FHIT: variants seen among roughly 807,000 people sequenced by gnomAD.
The protein encoded by FHIT is fragile histidine triad diadenosine triphosphatase, also known as bis(5'-adenosyl)-triphosphatase.
In FHIT, 19 loss-of-function variants were observed where a neutral mutation model predicts 17.9. The ratio of observed to expected loss-of-function variants is 1.06; its 90% CI spans 0.74 to 1.56. The LOEUF is 1.56. Ranked by LOEUF, FHIT falls within the 40% of genes most tolerant of loss-of-function variation. FHIT has a pLI of 0.00. For synonymous variants in FHIT, 81 were observed against 69.7 expected, an observed-to-expected ratio of 1.16 and a Z score of -0.81; for missense variants, 248 against 189.2, an observed-to-expected ratio of 1.31 and a Z score of -1.82.
In FHIT at chr3:60,917,818, T is replaced by G. The variant is rs149724985; in HGVS notation, c.-110-95807A>C. 8.9e-4 allele frequency among the ~76,000 whole-genome samples: 136 copies of G among 152,346 alleles called. 1 individual carries two copies. Among genetic ancestry groups the G allele is most frequent in the African/African-American group, 3.1e-3 (128 of 41,578 alleles). On this transcript the variant is annotated intron_variant, in intron 3 of 9. Transcript: ENST00000492590. ...ATTATATGATGTAGTTAGATGTATA[T>G]CTGTTCATTCTGTATATCCCCTACT...
intron 4 of FHIT, among the ~76,000 whole-genome samples, chr3:60,656,782 T>G (rs1046821335): frequency 6.6e-6 from 1 of 152,200 alleles, no homozygotes; most frequent in African/African-American, 2.4e-5. Flanking sequence ...GCAACTTAAT[T>G]AACACTGCTG....
At chr3:60,691,096 C>T (rs11928674) in intron 4 of FHIT, among the ~76,000 whole-genome samples, 15,554 of 151,998 alleles carry the variant, frequency 0.1, 1,647 homozygotes, top group African/African-American at 0.27. Flanking sequence ...GCCTGGAGTA[C>T]GGAAAGTCCC....
chr3:60,553,020 C>T (rs1406422297), intron 4 of FHIT, among the ~76,000 whole-genome samples: 1 of 152,168 alleles, frequency 6.6e-6, no homozygotes, highest in Non-Finnish European at 1.5e-5. Flanking sequence ...GGGAATGGCG[C>T]CCTGTCCAGG....
At chr3:60,604,488 T>TA (rs1353393799) in intron 4 of FHIT, among the ~76,000 whole-genome samples, 14 of 152,208 alleles carry the variant, frequency 9.2e-5, no homozygotes, top group African/African-American at 3.4e-4. Flanking sequence ...TTGCCGCAGA[T>TA]AAAATCCCAA....
intron 8 of FHIT, among the ~76,000 whole-genome samples, chr3:59,783,683 C>T (rs1410668822): frequency 3.3e-5 from 5 of 152,120 alleles, no homozygotes; most frequent in Admixed American, 2.0e-4. Flanking sequence ...TTGGCAGCAT[C>T]CTTGGTCTCC....
intron 7 of FHIT, among the ~76,000 whole-genome samples, chr3:59,977,878 T>C (rs80215419): frequency 0.011 from 1,739 of 152,266 alleles, 35 homozygotes; most frequent in African/African-American, 0.04. Flanking sequence ...AGAGTGATAT[T>C]TGGAATATTC....
At chr3:60,290,975 G>A (rs1707956931) in intron 5 of FHIT, among the ~76,000 whole-genome samples, 1 of 152,086 alleles carries the variant, frequency 6.6e-6, no homozygotes. Flanking sequence ...CCTGATTTGA[G>A]TTAGCTTTTA....
At chr3:60,212,008 A>T (rs1703473843) in intron 5 of FHIT, among the ~76,000 whole-genome samples, 3 of 152,334 alleles carry the variant, frequency 2.0e-5, no homozygotes, top group Admixed American at 1.3e-4. Flanking sequence ...GATTTGAGAT[A>T]ATAGTACACT....
chr3:61,185,096 G>C (rs1432686250), intron 2 of FHIT, among the ~76,000 whole-genome samples: 1 of 152,182 alleles, frequency 6.6e-6, no homozygotes, highest in East Asian at 1.9e-4. Context: ...GTAGGAAAAG[G>C]ATTAAGTAGG....
intron 2 of FHIT, among the ~76,000 whole-genome samples, chr3:61,198,519 G>GAA (rs71629121): frequency 1.7e-4 from 25 of 150,268 alleles, no homozygotes; most frequent in South Asian, 1.1e-3. Flanking sequence ...ATACACGACA[G>GAA]AAAAAAAAAA....
intron 5 of FHIT, among the ~76,000 whole-genome samples, chr3:60,031,313 G>C (rs976982045): frequency 6.6e-6 from 1 of 152,210 alleles, no homozygotes. Flanking sequence ...AAAGAGATCA[G>C]TATGGCTGAA....
intron 4 of FHIT, 39 bp from the exon 5 acceptor site, chr3:60,537,018 A>T (rs1576834279): frequency 6.4e-7 from 1 of 1,557,740 alleles, no homozygotes; most frequent in East Asian, 2.3e-5. Context: ...AAATTCAATT[A>T]AGAAACTCAG....
chr3:60,655,440 C>T (rs2040092427), intron 4 of FHIT, among the ~76,000 whole-genome samples: 1 of 152,124 alleles, frequency 6.6e-6, no homozygotes, highest in Non-Finnish European at 1.5e-5. Flanking sequence ...ACTGGACACG[C>T]TGGAGGAATA....
intron 8 of FHIT, among the ~76,000 whole-genome samples, chr3:59,915,857 C>T (rs1375689215): frequency 2.7e-5 from 4 of 150,398 alleles, no homozygotes; most frequent in African/African-American, 7.3e-5. Context: ...ACTTGAGACC[C>T]GGGGTTTGAG....
chr3:60,966,396 C>T (rs955943894), intron 3 of FHIT, among the ~76,000 whole-genome samples: 1 of 152,244 alleles, frequency 6.6e-6, no homozygotes, highest in African/African-American at 2.4e-5. Flanking sequence ...CCAGGTGAGG[C>T]GATGTCCCGC....
At chr3:60,668,286 AT>A (rs1553692959) in intron 4 of FHIT, among the ~76,000 whole-genome samples, 1 of 139,052 alleles carries the variant, frequency 7.2e-6, no homozygotes, top group Non-Finnish European at 1.5e-5. Context: ...CTGGCCAATT[AT>A]TTTTGGCGAG....
chr3:60,578,705 GA>G (rs2107676112), intron 4 of FHIT, among the ~76,000 whole-genome samples: 1 of 152,154 alleles, frequency 6.6e-6, no homozygotes, highest in East Asian at 1.9e-4. Context: ...TCTCTAAGGA[GA>G]AAATGGGTAT....
At chr3:60,551,731 C>A (rs2036566415) in intron 4 of FHIT, among the ~76,000 whole-genome samples, 1 of 149,520 alleles carries the variant, frequency 6.7e-6, no homozygotes, top group South Asian at 2.2e-4. Flanking sequence ...GCACTCTAGC[C>A]TGGGTGACAT....
intron 5 of FHIT, among the ~76,000 whole-genome samples, chr3:60,312,981 C>G (rs1274395998): frequency 6.6e-6 from 1 of 152,164 alleles, no homozygotes; most frequent in Non-Finnish European, 1.5e-5. Context: ...GCATCCATAA[C>G]CCAGTTGATT....
Sources: gnomAD v4.1 joint callset for allele counts (sites outside exome capture counted in the v4.1 genomes callset) on GRCh38, gnomAD v4.1.1 for gene constraint, MANE v1.5 for transcripts, NCBI Gene and HGNC (gene_info 2026-07-23, HGNC 2026-07-21) for gene names.